RIMS2: variants seen among roughly 807,000 people sequenced by gnomAD.
RIMS2 encodes regulating synaptic membrane exocytosis protein 2.
Under a neutral mutation model 174.4 loss-of-function variants are expected in RIMS2, and 59 were observed. That is an observed-to-expected ratio of 0.34 (90% CI 0.27 to 0.42). The LOEUF is 0.42. Among genes scored for constraint, RIMS2 ranks in the 10% least tolerant of loss-of-function variants. The pLI is 1.00. For synonymous variants in RIMS2, 606 were observed against 572.5 expected, an observed-to-expected ratio of 1.06 and a Z score of -0.84; for missense variants, 1,620 against 1,666.3, an observed-to-expected ratio of 0.97 and a Z score of 0.48.
At chr8:103,940,218 A>G (rs1241513607) in intron 13 of RIMS2, among the ~76,000 whole-genome samples, 1 of 152,192 alleles carries the variant, frequency 6.6e-6, no homozygotes, top group Non-Finnish European at 1.5e-5. Context: ...ACAGTTCCAC[A>G]TGACTGGGGA....
chr8:104,067,045 G>T lies in RIMS2; in HGVS notation c.3334+52430G>T, dbSNP rs757629495. Among the ~76,000 whole-genome samples the T allele has an allele frequency of 4.6e-5, 7 of 152,004 alleles. No homozygotes were observed. In the South Asian group the frequency reaches 1.0e-3, roughly 23 times the overall value. ...AAAATTTAAAAATATTGGCTCAGAAGGGGATACCATAACTTCTAGTTATAC... is the reference window on the plus strand; with the variant it reads ...AAAATTTAAAAATATTGGCTCAGAATGGGATACCATAACTTCTAGTTATAC... On this transcript the variant is annotated intron_variant, in intron 19 of 23. Coordinates refer to ENST00000504942, the Ensembl canonical transcript of RIMS2.
intron 19 of RIMS2, among the ~76,000 whole-genome samples, chr8:104,182,282 T>TAATC (rs1320598163): frequency 6.6e-6 from 1 of 151,874 alleles, no homozygotes; most frequent in African/African-American, 2.4e-5. Context: ...GCTACAAAAA[T>TAATC]AATCTGTCAC....
At chr8:103,506,048 T>C (rs1823423803) in intron 1 of RIMS2, among the ~76,000 whole-genome samples, 1 of 152,128 alleles carries the variant, frequency 6.6e-6, no homozygotes, top group Non-Finnish European at 1.5e-5. Context: ...TTCCCTATTC[T>C]AGTATTTTTA....
At chr8:104,123,228 A>G (rs2098399509) in intron 19 of RIMS2, among the ~76,000 whole-genome samples, 1 of 151,990 alleles carries the variant, frequency 6.6e-6, no homozygotes, top group South Asian at 2.1e-4. Context: ...GTATGTGTAT[A>G]TTTTTATTTT....
At chr8:104,032,586 T>C (rs2154556434) in intron 19 of RIMS2, among the ~76,000 whole-genome samples, 1 of 152,138 alleles carries the variant, frequency 6.6e-6, no homozygotes, top group Admixed American at 6.5e-5. Flanking sequence ...AGTGCAGAGA[T>C]AATTGATTAA....
chr8:104,154,375 G>A (rs962582478), intron 19 of RIMS2, among the ~76,000 whole-genome samples: 4 of 152,152 alleles, frequency 2.6e-5, no homozygotes, highest in Admixed American at 6.5e-5. Context: ...ATATGGTAGC[G>A]CTAGTCACAT....
intron 16 of RIMS2, among the ~76,000 whole-genome samples, chr8:103,978,214 T>G (rs540056103): frequency 6.6e-6 from 1 of 152,198 alleles, no homozygotes; most frequent in Non-Finnish European, 1.5e-5. Context: ...GGAAAGAACA[T>G]TTGAACAGTC....
At chr8:104,111,953 T>C (rs2098192433) in intron 19 of RIMS2, among the ~76,000 whole-genome samples, 1 of 152,188 alleles carries the variant, frequency 6.6e-6, no homozygotes, top group South Asian at 2.1e-4. Flanking sequence ...TGCCATAATG[T>C]CTGTTTATTT....
chr8:103,860,830 G>A (rs1476295188), intron 3 of RIMS2, among the ~76,000 whole-genome samples: 1 of 151,884 alleles, frequency 6.6e-6, no homozygotes, highest in Non-Finnish European at 1.5e-5. Flanking sequence ...CTTTGTGCCT[G>A]GGTTAGCAGC....
chr8:103,697,267 G>A (rs1291849469), exon 2 of RIMS2: 1 of 1,613,598 alleles, frequency 6.2e-7, no homozygotes, highest in Admixed American at 1.7e-5. Flanking sequence ...TGCTCGTTGT[G>A]GAGGTCGAGT....
chr8:104,250,783 A>G (rs947915606), intron 22 of RIMS2, among the ~76,000 whole-genome samples: 1 of 152,212 alleles, frequency 6.6e-6, no homozygotes, highest in African/African-American at 2.4e-5. Flanking sequence ...GTAAACCTAT[A>G]TAACCAGTTG....
At chr8:103,907,446 T>C (rs1283879857) in intron 4 of RIMS2, among the ~76,000 whole-genome samples, 1 of 152,194 alleles carries the variant, frequency 6.6e-6, no homozygotes, top group Non-Finnish European at 1.5e-5. Flanking sequence ...TAAAAATCAT[T>C]CAGTATAGTT....
At chr8:103,985,350 T>G (rs923654476) in intron 16 of RIMS2, among the ~76,000 whole-genome samples, 1 of 151,526 alleles carries the variant, frequency 6.6e-6, no homozygotes, top group African/African-American at 2.4e-5. Context: ...GGTGCGCGCC[T>G]GTAGTCCCAG....
chr8:103,660,608 A>T (rs983471247), intron 1 of RIMS2, among the ~76,000 whole-genome samples: 22 of 152,104 alleles, frequency 1.4e-4, no homozygotes, highest in Non-Finnish European at 2.2e-4. Context: ...AACAAAAACA[A>T]AAACAAAAAA....
At chr8:104,016,413 A>G (rs2095907424) in intron 19 of RIMS2, among the ~76,000 whole-genome samples, 1 of 152,040 alleles carries the variant, frequency 6.6e-6, no homozygotes, top group South Asian at 2.1e-4. Flanking sequence ...ACTTGTTGAT[A>G]TAAGTTGTGT....
At chr8:104,107,685 C>T (rs893929366) in intron 19 of RIMS2, among the ~76,000 whole-genome samples, 6 of 152,196 alleles carry the variant, frequency 3.9e-5, no homozygotes, top group Admixed American at 3.3e-4. Context: ...TGGTGGCTCA[C>T]GCATGTAATC....
chr8:103,603,192 C>A (rs1242870884), intron 1 of RIMS2, among the ~76,000 whole-genome samples: 5 of 143,642 alleles, frequency 3.5e-5, no homozygotes, highest in South Asian at 2.2e-4. Flanking sequence ...ATTCCCCTTC[C>A]TGTGTCCATG....
intron 19 of RIMS2, among the ~76,000 whole-genome samples, chr8:104,074,253 A>G (rs1459762389): frequency 6.6e-6 from 1 of 152,180 alleles, no homozygotes; most frequent in Non-Finnish European, 1.5e-5. Flanking sequence ...AGTGTATTAG[A>G]AAGGGCACAG....
intron 19 of RIMS2, among the ~76,000 whole-genome samples, chr8:104,224,293 G>A (rs1231410943): frequency 6.6e-6 from 1 of 152,206 alleles, no homozygotes; most frequent in Non-Finnish European, 1.5e-5. Flanking sequence ...TAGTACCGAA[G>A]GTGAGTTTGT....
Sources: allele counts gnomAD v4.1 joint callset (sites outside exome capture counted in the v4.1 genomes callset), GRCh38; gene constraint gnomAD v4.1.1; transcripts MANE v1.5; gene names NCBI Gene and HGNC (gene_info 2026-07-23, HGNC 2026-07-21).